CIMIP6: variants seen among roughly 807,000 people sequenced by gnomAD.
The protein encoded by CIMIP6 is uncharacterized protein C2orf73.
the CIMIP6 span, among the ~76,000 whole-genome samples, chr2:54,367,577 A>G: frequency 6.6e-6 from 1 of 152,264 alleles, no homozygotes; most frequent in South Asian, 2.1e-4. Flanking sequence ...GCAGCATGAA[A>G]CCATTAGTCA....
chr2:54,336,095 C>G, the CIMIP6 span, among the ~76,000 whole-genome samples: 3 of 152,146 alleles, frequency 2.0e-5, no homozygotes, highest in Non-Finnish European at 4.4e-5. Flanking sequence ...TCTTTAGGGA[C>G]AGAGAGAGGG....
At chr2:54,331,557 T>G in the CIMIP6 span, among the ~76,000 whole-genome samples, 124 of 152,280 alleles carry the variant, frequency 8.1e-4, no homozygotes, top group Non-Finnish European at 1.4e-3. Flanking sequence ...TACCGTTTCT[T>G]GCCTCCCTCT....
the CIMIP6 span, chr2:54,382,063 T>C: frequency 7.1e-7 from 1 of 1,401,584 alleles, no homozygotes; most frequent in Non-Finnish European, 9.3e-7. Context: ...CCTAAGTGGC[T>C]GAAGAGAACT....
chr2:54,364,417 A>G, the CIMIP6 span, among the ~76,000 whole-genome samples: 1 of 152,246 alleles, frequency 6.6e-6, no homozygotes, highest in Non-Finnish European at 1.5e-5. Flanking sequence ...GGTTTCTAAC[A>G]TTGCTATTAA....
At chr2:54,337,453 T>G in the CIMIP6 span, among the ~76,000 whole-genome samples, 12 of 152,234 alleles carry the variant, frequency 7.9e-5, no homozygotes, top group Non-Finnish European at 1.6e-4. Flanking sequence ...GAAATTAATT[T>G]GGTACCAAAA....
At chr2:54,342,535 G>C in the CIMIP6 span, among the ~76,000 whole-genome samples, 72 of 150,500 alleles carry the variant, frequency 4.8e-4, 1 homozygote, top group Admixed American at 1.5e-3. Context: ...ATCTAATGTT[G>C]TATATGTCTT....
chr2:54,358,414 T>C, the CIMIP6 span, among the ~76,000 whole-genome samples: 13 of 152,148 alleles, frequency 8.5e-5, no homozygotes, highest in Admixed American at 7.9e-4. Flanking sequence ...TTTTTTTTTT[T>C]CCTTAATGAG....
At chr2:54,342,272 A>C in the CIMIP6 span, among the ~76,000 whole-genome samples, 1 of 152,140 alleles carries the variant, frequency 6.6e-6, no homozygotes, top group African/African-American at 2.4e-5. Flanking sequence ...TAACAACCTC[A>C]AGTTGAATGA....
chr2:54,348,406 A>G, the CIMIP6 span, among the ~76,000 whole-genome samples: 1 of 152,056 alleles, frequency 6.6e-6, no homozygotes, highest in African/African-American at 2.4e-5. Flanking sequence ...CTGTTCTTTT[A>G]TTGGTATTTC....
the CIMIP6 span, among the ~76,000 whole-genome samples, chr2:54,353,949 T>A: frequency 2.0e-5 from 3 of 152,176 alleles, no homozygotes; most frequent in African/African-American, 7.2e-5. Context: ...TAAAGAAAGT[T>A]TTCTCCTACA....
At chr2:54,330,935 C>T in the CIMIP6 span, 2 of 1,607,636 alleles carry the variant, frequency 1.2e-6, no homozygotes, top group South Asian at 1.1e-5. Flanking sequence ...CGTCCCTGTT[C>T]TTCCCAGGAG....
chr2:54,378,454 T>G, the CIMIP6 span, among the ~76,000 whole-genome samples: 21 of 152,306 alleles, frequency 1.4e-4, no homozygotes, highest in Non-Finnish European at 4.4e-5. Flanking sequence ...CCTAATTAAT[T>G]GGCCAAATCA....
the CIMIP6 span, chr2:54,360,295 A>G: frequency 6.2e-7 from 1 of 1,612,156 alleles, no homozygotes; most frequent in Non-Finnish European, 8.5e-7. Context: ...CTCCAGGGTC[A>G]CGTTCATCAG....
the CIMIP6 span, among the ~76,000 whole-genome samples, chr2:54,358,663 A>G: frequency 6.6e-6 from 1 of 152,150 alleles, no homozygotes; most frequent in Non-Finnish European, 1.5e-5. Context: ...CTCCCAGGGC[A>G]TGCTGGGATT....
At chr2:54,335,967 A>T in the CIMIP6 span, among the ~76,000 whole-genome samples, 104,393 of 151,964 alleles carry the variant, frequency 0.69, 36,647 homozygotes, top group African/African-American at 0.77. Context: ...TGTGATTAGA[A>T]TGCACCCACC....
chr2:54,371,054 AC>A, the CIMIP6 span, among the ~76,000 whole-genome samples: 1 of 152,184 alleles, frequency 6.6e-6, no homozygotes, highest in Non-Finnish European at 1.5e-5. Context: ...CTAGAGGGTG[AC>A]CTTTAACAGA....
the CIMIP6 span, among the ~76,000 whole-genome samples, chr2:54,343,122 G>T: frequency 6.6e-6 from 1 of 152,160 alleles, no homozygotes; most frequent in African/African-American, 2.4e-5. Context: ...TCAATGAGTT[G>T]CAGTCAGCAA....
the CIMIP6 span, among the ~76,000 whole-genome samples, chr2:54,356,090 C>T: frequency 6.6e-6 from 1 of 150,596 alleles, no homozygotes; most frequent in African/African-American, 2.5e-5. Flanking sequence ...ATTACTGTCA[C>T]TCTACTAGGC....
the CIMIP6 span, among the ~76,000 whole-genome samples, chr2:54,378,044 G>A: frequency 6.6e-6 from 1 of 152,136 alleles, no homozygotes; most frequent in Non-Finnish European, 1.5e-5. Context: ...TAATTGGTGG[G>A]AGCTATTTAG....
Sources: gnomAD v4.1 joint callset for allele counts (sites outside exome capture counted in the v4.1 genomes callset) on GRCh38, gnomAD v4.1.1 for gene constraint, MANE v1.5 for transcripts, NCBI Gene and HGNC (gene_info 2026-07-23, HGNC 2026-07-21) for gene names.